ASAP3: variants seen among roughly 807,000 people sequenced by gnomAD.
ASAP3 encodes arf-GAP with SH3 domain, ANK repeat and PH domain-containing protein 3.
In ASAP3, 85 loss-of-function variants were observed where a neutral mutation model predicts 118.2. That is an observed-to-expected ratio of 0.72 (90% CI 0.60 to 0.86). The LOEUF (loss-of-function observed/expected upper bound fraction) is 0.86, where lower values mean the gene tolerates loss of function less well. ASAP3 is among the 40% of genes least tolerant of loss of function. The pLI is 0.00. For synonymous variants in ASAP3, 432 were observed against 477.4 expected (o/e 0.90, Z 1.24); for missense variants, 1,026 against 1,175.0 (o/e 0.87, Z 1.85).
chr1:23,431,946 A>C, intron 22 of ASAP3, 28 bp from the exon 23 acceptor site: 1 of 1,604,498 alleles, frequency 6.2e-7, no homozygotes, highest in Non-Finnish European at 8.5e-7. Flanking sequence ...AGAAATGATA[A>C]AGCTTTTCTT....
chr1:23,453,306 G>T (rs1448122962), intron 3 of ASAP3, among the ~76,000 whole-genome samples: 5 of 151,888 alleles, frequency 3.3e-5, no homozygotes, highest in African/African-American at 1.2e-4. Flanking sequence ...TGGTCAGATG[G>T]GGTAAACGCA....
chr1:23,444,023 A>G (rs1767147), intron 5 of ASAP3, among the ~76,000 whole-genome samples: 114,100 of 151,904 alleles, frequency 0.75, 44,843 homozygotes, highest in Middle Eastern at 0.89. Context: ...GTGCCTGGCC[A>G]ACACCCAGCT....
At chr1:23,478,244 C>T (rs1336030905) in intron 1 of ASAP3, among the ~76,000 whole-genome samples, 1 of 152,220 alleles carries the variant, frequency 6.6e-6, no homozygotes, top group Non-Finnish European at 1.5e-5. Context: ...GTGGGTGGAT[C>T]ACCTGAGGTC....
At position 23,442,569 on chromosome 1, in the gene ASAP3, C is replaced by T. The variant is rs1640911822; in HGVS notation, c.517G>A (p.Gly173Arg). The T allele has an allele frequency of 6.2e-7, 1 of 1,614,172 alleles. No homozygotes were observed. The highest frequency in any genetic ancestry group is 8.5e-7 in the Non-Finnish European group (1 of 1,180,028). ...KERDRARVTG[G>R]IPGEVAQDMQ... ...TCCTGGGCCACCTCCCCAGGGATCC[C>T]TCCTGTCACCCTGGCCCGATCGCGC... The change falls in exon 6 of 25, where the codon GGG becomes AGG. Residue 173 changes from glycine (G) to arginine (R), a missense_variant. Physicochemically the swap from Gly to Arg is moderately radical, Grantham distance 125. Coordinates refer to ENST00000336689, the MANE Select transcript of ASAP3 (RefSeq NM_017707.4).
rs765507876 is a variant in ASAP3, at chr1:23,436,680, G to C, written c.1477-26C>G. The C allele has an allele frequency of 6.2e-7, 1 of 1,613,492 alleles. No individual in the cohort carries two copies. Among genetic ancestry groups the C allele is most frequent in the Non-Finnish European group, 8.5e-7 (1 of 1,179,436 alleles). On this transcript the variant is annotated intron_variant, in intron 15 of 24. Transcript: ENST00000336689. The surrounding 1 kb of genome is among the most constrained non-coding windows in gnomAD (Gnocchi z 4.2). ...CTGGAGTCGTAGGAAAATAGACGTGGGGCGGAGTAAGACCGGGCGGTTAAG... is the reference window on the plus strand; with the variant it reads ...CTGGAGTCGTAGGAAAATAGACGTGCGGCGGAGTAAGACCGGGCGGTTAAG...
chr1:23,484,065 C>A lies in ASAP3; in HGVS notation c.69G>T (p.Gly23=). ...GCATCTTGGCGGCGAAGGCGGCGGCCCCAGCCGGGGAGCTGAGGTCCTCCG... is the reference window on the plus strand; with the variant it reads ...GCATCTTGGCGGCGAAGGCGGCGGCACCAGCCGGGGAGCTGAGGTCCTCCG... ...VTAEDLSSPA[G]AAAFAAKMPR... is the part of the protein sequence containing the mutation. Residue 23 remains glycine (G), a synonymous_variant, in exon 1 of 25, where the codon GGG becomes GGT. Coordinates refer to ENST00000336689, the MANE Select transcript of ASAP3 (RefSeq NM_017707.4). 1 of 1,351,930 alleles carries A rather than the reference C, an allele frequency of 7.4e-7. No homozygotes were observed. Among genetic ancestry groups the A allele is most frequent in the Non-Finnish European group, 9.5e-7 (1 of 1,052,960 alleles). 83.7% of individuals were successfully genotyped at this position (1,351,930 alleles called of 1,614,324 possible).
At chr1:23,456,528 T>C (rs1279995683) in intron 1 of ASAP3, among the ~76,000 whole-genome samples, 1 of 152,210 alleles carries the variant, frequency 6.6e-6, no homozygotes, top group African/African-American at 2.4e-5. Flanking sequence ...GTAGCTGGTG[T>C]GTCCGTTAGA....
intron 3 of ASAP3, 145 bp downstream of exon 3, chr1:23,455,736 G>T: frequency 1.0e-6 from 1 of 979,524 alleles, no homozygotes; most frequent in Non-Finnish European, 1.5e-6. Context: ...GAAGGGTCAG[G>T]GCTGGAAAGG....
intron 5 of ASAP3, among the ~76,000 whole-genome samples, chr1:23,444,885 C>G (rs980690117): frequency 1.3e-5 from 2 of 151,426 alleles, no homozygotes; most frequent in African/African-American, 4.9e-5. Flanking sequence ...CCTCCCTGAC[C>G]TCCACCCACT....
At chr1:23,484,371 C>T (rs933285664), upstream of ASAP3, 2 of 329,500 alleles carry the variant, frequency 6.1e-6, no homozygotes, top group Admixed American at 5.3e-5. Flanking sequence ...GTCCCGGCCC[C>T]GCACCGCGTC....
rs1640436169 is a variant in ASAP3, at chr1:23,431,679, GCTGGGC to G, written c.2546+11_2546+16del. The stretch of plus-strand genomic sequence containing the variant: ...TCAGGGGATTTGCCCTGGTTGCACA[GCTGGGC>G]CCTCACCAACCTGAATCTGACGGGG... On this transcript the variant is annotated intron_variant, in intron 23 of 24. Transcript: ENST00000336689. 1 of 1,522,284 alleles carries G rather than the reference GCTGGGC, an allele frequency of 6.6e-7. No homozygotes were observed. Among genetic ancestry groups the G allele is most frequent in the African/African-American group, 1.4e-5 (1 of 71,284 alleles). The allele number at this position is 1,522,284 out of a possible 1,614,324, so 94.3% of individuals were successfully genotyped here. A position where few individuals can be genotyped will look rare whatever the true frequency, so the allele number is the denominator to read the frequency against.
At chr1:23,442,040 C>T in intron 7 of ASAP3, 146 bp downstream of exon 7, 1 of 852,584 alleles carries the variant, frequency 1.2e-6, no homozygotes, top group Admixed American at 2.1e-5. Context: ...TGCCTGACAC[C>T]CGGTGAGCAC....
intron 1 of ASAP3, among the ~76,000 whole-genome samples, chr1:23,463,842 C>T (rs901593343): frequency 6.6e-6 from 1 of 152,102 alleles, no homozygotes; most frequent in Non-Finnish European, 1.5e-5. Context: ...TCGTGATCCG[C>T]CTGCCTCGGC....
At chr1:23,452,545 G>T in intron 4 of ASAP3, 152 bp downstream of exon 4, 1 of 793,450 alleles carries the variant, frequency 1.3e-6, no homozygotes, top group Non-Finnish European at 2.1e-6. Flanking sequence ...GCTGACCCGA[G>T]CCAGGTCCTC....
At chr1:23,446,384 T>A (rs1641046903) in intron 5 of ASAP3, among the ~76,000 whole-genome samples, 1 of 152,106 alleles carries the variant, frequency 6.6e-6, no homozygotes, top group Non-Finnish European at 1.5e-5. Context: ...TCAACCCCTG[T>A]CCAAAAATAT....
intron 1 of ASAP3, among the ~76,000 whole-genome samples, chr1:23,472,725 C>T (rs1289644070): frequency 2.0e-5 from 3 of 152,116 alleles, no homozygotes; most frequent in Non-Finnish European, 4.4e-5. Flanking sequence ...TTTTAACTAC[C>T]CTATGTGCAG....
chr1:23,479,364 G>A (rs1642236287), intron 1 of ASAP3, among the ~76,000 whole-genome samples: 1 of 152,154 alleles, frequency 6.6e-6, no homozygotes, highest in Non-Finnish European at 1.5e-5. Context: ...GCCCTGGAGA[G>A]GTGTACTTTT....
chr1:23,462,922 T>C (rs1183448009), intron 1 of ASAP3, among the ~76,000 whole-genome samples: 3 of 152,130 alleles, frequency 2.0e-5, no homozygotes, highest in East Asian at 3.8e-4. Flanking sequence ...TTTGAAGGAA[T>C]GGGGAAGGCG....
chr1:23,445,715 G>C (rs558721281), intron 5 of ASAP3, among the ~76,000 whole-genome samples: 1 of 152,224 alleles, frequency 6.6e-6, no homozygotes, highest in Admixed American at 6.5e-5. Flanking sequence ...GCTCATGCCT[G>C]TAATCCAAGT....
Sources: gnomAD v4.1 joint callset for allele counts (sites outside exome capture counted in the v4.1 genomes callset) on GRCh38, gnomAD v4.1.1 for gene constraint, Gnocchi (gnomAD v3.1) non-coding constraint, MANE v1.5 for transcripts, NCBI Gene and HGNC (gene_info 2026-07-23, HGNC 2026-07-21) for gene names.